The following MUC4 variants were observed in gnomAD, a reference collection of about 807,000 sequenced individuals.
MUC4 encodes mucin-4.
MUC4 carries 202 observed loss-of-function variants against 257.9 expected under a neutral mutation model. The ratio of observed to expected loss-of-function variants is 0.78; its 90% CI spans 0.70 to 0.88. The LOEUF is 0.88. MUC4 is among the 40% of genes least tolerant of loss of function. The probability of loss-of-function intolerance (pLI) is 0.00; values close to 1 mark genes in which losing one functional copy is unlikely to be tolerated. For missense variants in MUC4, 5,976 were observed against 6,513.7 expected, an observed-to-expected ratio of 0.92 and a Z score of 2.84; for synonymous variants, 2,351 against 2,757.1, an observed-to-expected ratio of 0.85 and a Z score of 4.62.
rs1419937060 is a variant in MUC4, at chr3:195,779,569, G to C, written c.12011C>G (p.Thr4004Ser). Residue 4004 changes from threonine (T) to serine (S), a missense_variant, in exon 2 of 25, where the codon ACC becomes AGC. Physicochemically the swap from Thr to Ser is moderately conservative, Grantham distance 58. Transcript: ENST00000463781. Reference sequence around the variant, plus strand: ...ACCTGTAGATACTGAGGAAGTGCTGGTGACAGGAAGAGGGGTGGCGTGACC... The same window carrying C: ...ACCTGTAGATACTGAGGAAGTGCTGCTGACAGGAAGAGGGGTGGCGTGACC... ...STGHATPLPVTSTSSVSTGHA... is the reference protein window; with the variant it reads ...STGHATPLPVSSTSSVSTGHA... 4 of 1,429,450 alleles carry C rather than the reference G, an allele frequency of 2.8e-6. No individual in the cohort carries two copies. The highest frequency in any genetic ancestry group is 3.7e-6 in the Non-Finnish European group (4 of 1,068,362). The allele number at this position is 1,429,450 out of a possible 1,614,324, so 88.5% of individuals were successfully genotyped here. A position where few individuals can be genotyped will look rare whatever the true frequency, so the allele number is the denominator to read the frequency against.
intron 10 of MUC4, 64 bp downstream of exon 10, chr3:195,764,933 G>C (rs944567331): frequency 6.3e-7 from 1 of 1,587,478 alleles, no homozygotes; most frequent in South Asian, 1.2e-5. Context: ...GAGGACGAGA[G>C]GCTTCATGCT....
chr3:195,789,371 C>T lies in MUC4; in HGVS notation c.2209G>A (p.Ala737Thr). The T allele has an allele frequency of 1.2e-6, 2 of 1,613,878 alleles. No individual in the cohort carries two copies. Among genetic ancestry groups the T allele is most frequent in the Non-Finnish European group, 1.7e-6 (2 of 1,179,878 alleles). Residue 737 changes from alanine to threonine, a missense_variant, in exon 2 of 25, where the codon GCC becomes ACC. Around this residue, in one of 44 missense-constraint regions of MUC4, gnomAD observed 1,583 missense variants for 1,257.4 expected, o/e 1.26. Transcript: ENST00000463781. The part of the protein sequence containing the change: ...SGGTSLSKTG[A>T]LTLANSVVST... ...ACTACAGAGTTGGCCAGAGTAAGGG[C>T]ACCTGTTTTGGAAAGTGACGTGCCT...
chr3:195,780,860 G>A lies in MUC4; in HGVS notation c.10720C>T (p.Leu3574Phe), dbSNP rs370221916. 91 of 1,042,376 alleles carry A rather than the reference G, an allele frequency of 8.7e-5. No homozygotes were observed. The highest frequency in any genetic ancestry group is 1.2e-4 in the African/African-American group (3 of 26,046). 64.6% of individuals were successfully genotyped at this position (1,042,376 alleles called of 1,614,324 possible). A position where few individuals can be genotyped will look rare whatever the true frequency, so the allele number is the denominator to read the frequency against. The change falls in exon 2 of 25, where the codon CTT becomes TTT. Residue 3574 changes from leucine (L) to phenylalanine (F), a missense_variant. This residue lies in a region of MUC4 where 59 missense variants were observed against 149.8 expected (regional missense o/e 0.39). Transcript: ENST00000463781. Reference sequence around the variant, plus strand: ...GTGTCACCTGTGGATACTGAGGAAAGGCTGGTGACAGGAAGAGGGGTGGCC... The same window carrying A: ...GTGTCACCTGTGGATACTGAGGAAAAGCTGGTGACAGGAAGAGGGGTGGCC... ...GQATPLPVTS[L>F]SSVSTGDTTP...
rs1279169888 is a variant in MUC4, at chr3:195,788,634, A to T, written c.2946T>A (p.Ala982=). 1 of 1,603,608 alleles carries T rather than the reference A, an allele frequency of 6.2e-7. No homozygotes were observed. Residue 982 remains alanine (A), a synonymous_variant, in exon 2 of 25, where the codon GCT becomes GCA. Coordinates refer to ENST00000463781, the MANE Select transcript of MUC4 (RefSeq NM_018406.7). ...SNATPLPVTY[A]SSASTGHTTP... is the part of the protein sequence containing the mutation. ...TGGTGTGACCTGTGGATGCCGAGGA[A>T]GCGTAGGTGACAGGAAGAGGGGTGG...
chr3:195,770,626 C>T, intron 5 of MUC4: 1 of 554,950 alleles, frequency 1.8e-6, no homozygotes, highest in Non-Finnish European at 3.2e-6. Context: ...TGAACTCAAG[C>T]ATCTTAGCTC....
chr3:195,764,808 A>C (rs1027323726), intron 10 of MUC4, among the ~76,000 whole-genome samples, 189 bp downstream of exon 10: 2 of 152,124 alleles, frequency 1.3e-5, no homozygotes, highest in African/African-American at 4.8e-5. Context: ...AGATGAGGAA[A>C]GAGGCTCTCA....
At chr3:195,774,630 G>A (rs796452004) in intron 3 of MUC4, among the ~76,000 whole-genome samples, 61 of 152,242 alleles carry the variant, frequency 4.0e-4, no homozygotes, top group African/African-American at 1.0e-3. Context: ...TGCTGGGTGC[G>A]GTGGCTCACG....
At chr3:195,748,798 C>G in intron 24 of MUC4, 104 bp downstream of exon 24, 1 of 1,379,158 alleles carries the variant, frequency 7.3e-7, no homozygotes, top group Non-Finnish European at 9.6e-7. Context: ...CTTCCCTGGT[C>G]TCTGATCTCT....
At chr3:195,774,040 G>A in intron 4 of MUC4, 132 bp downstream of exon 4, 3 of 1,219,814 alleles carry the variant, frequency 2.5e-6, no homozygotes, top group Non-Finnish European at 3.3e-6. Flanking sequence ...TGACATTAAG[G>A]AGGCTGTGGG....
At position 195,811,140 on chromosome 3, in the gene MUC4, ATTTTATAT is replaced by A. The variant is rs1293377679; in HGVS notation, c.82+588_82+595del. Among the ~76,000 whole-genome samples the A allele has an allele frequency of 1.9e-3, 277 of 144,764 alleles. 1 individual carries two copies. The highest frequency in any genetic ancestry group is 5.5e-3 in the African/African-American group (217 of 39,206). 95.0% of individuals were successfully genotyped at this position (144,764 alleles called of 152,430 possible). ...TTCTCCTCTTCTTATTTTTTATTTT[ATTTTATAT>A]TTATTTATTTATTTATTTATTTATT... On this transcript the variant is annotated intron_variant, in intron 1 of 24. Coordinates refer to ENST00000463781, the MANE Select transcript of MUC4 (RefSeq NM_018406.7).
intron 11 of MUC4, 53 bp downstream of exon 11, chr3:195,763,992 C>G (rs1199375709): frequency 6.4e-7 from 1 of 1,571,886 alleles, no homozygotes; most frequent in African/African-American, 1.4e-5. Context: ...CCCGGAAGCC[C>G]AGAAGCTCCC....
At chr3:195,808,978 C>G (rs1386835934) in intron 1 of MUC4, among the ~76,000 whole-genome samples, 2 of 152,188 alleles carry the variant, frequency 1.3e-5, no homozygotes, top group African/African-American at 2.4e-5. Context: ...CTGCCCTGCA[C>G]TTGCTCCAGC....
At chr3:195,771,560 C>G in intron 5 of MUC4, 92 bp downstream of exon 5, 2 of 1,443,116 alleles carry the variant, frequency 1.4e-6, no homozygotes, top group South Asian at 1.3e-5. Context: ...GGGGCTGTCA[C>G]AGCAGCAACT....
At chr3:195,792,576 T>C (rs1221377005) in intron 1 of MUC4, among the ~76,000 whole-genome samples, 1 of 152,214 alleles carries the variant, frequency 6.6e-6, no homozygotes, top group Non-Finnish European at 1.5e-5. Context: ...AGTGTGGCGA[T>C]TCCTCAAGGA....
intron 3 of MUC4, among the ~76,000 whole-genome samples, chr3:195,776,295 C>T (rs868620891): frequency 4.2e-5 from 4 of 95,238 alleles, no homozygotes; most frequent in Non-Finnish European, 6.1e-5. Context: ...CCTTCCACAC[C>T]CATACCTTCC....
rs769302683 is a variant in MUC4, at chr3:195,788,692, C to A, written c.2888G>T (p.Gly963Val). 4.4e-6 allele frequency: 7 copies of A among 1,604,864 alleles called. No individual in the cohort carries two copies. The highest frequency in any genetic ancestry group is 5.9e-6 in the Non-Finnish European group (7 of 1,179,226). ...GATGAGGGCCGTGGTGAAGGTTTTA[C>A]CAGACCCTGAAGGTGACAGAGTGTG... ...ETHTLSPSGS[G>V]KTFTTALISN... The change falls in exon 2 of 25, where the codon GGT (glycine) becomes GTT (valine). Residue 963 changes from glycine (G) to valine (V), a missense_variant. Coordinates refer to ENST00000463781, the MANE Select transcript of MUC4 (RefSeq NM_018406.7).
rs187758580 is a variant in MUC4, at chr3:195,788,691, A to T, written c.2889T>A (p.Gly963=). The T allele has an allele frequency of 3.1e-6, 5 of 1,604,358 alleles. No homozygotes were observed. The East Asian group carries it at 6.7e-5, about 21-fold the overall frequency. ...ETHTLSPSGS[G]KTFTTALISN... The stretch of plus-strand genomic sequence containing the variant: ...TGATGAGGGCCGTGGTGAAGGTTTT[A>T]CCAGACCCTGAAGGTGACAGAGTGT... The change falls in exon 2 of 25, where the codon GGT becomes GGA. Residue 963 remains glycine (G), a synonymous_variant. Coordinates refer to ENST00000463781, the MANE Select transcript of MUC4 (RefSeq NM_018406.7).
chr3:195,771,064 C>G (rs1560273313), intron 5 of MUC4, among the ~76,000 whole-genome samples: 1 of 139,414 alleles, frequency 7.2e-6, no homozygotes, highest in East Asian at 2.4e-4. Context: ...TTGGGGTATT[C>G]CTGGTCAGTC....
intron 1 of MUC4, among the ~76,000 whole-genome samples, chr3:195,802,504 G>A (rs1735472390): frequency 6.9e-6 from 1 of 144,364 alleles, no homozygotes; most frequent in East Asian, 2.0e-4. Flanking sequence ...GGCCTGCCCT[G>A]CCTGCCCTGG....
Sources: allele counts gnomAD v4.1 joint callset (sites outside exome capture counted in the v4.1 genomes callset), GRCh38; gene constraint gnomAD v4.1.1; regional missense constraint gnomAD v4.1.1; transcripts MANE v1.5; gene names NCBI Gene and HGNC (gene_info 2026-07-23, HGNC 2026-07-21).